The following CTNND2 variants were observed in gnomAD, a reference collection of about 807,000 sequenced individuals.
The protein encoded by CTNND2 is catenin delta-2.
CTNND2 carries 22 observed loss-of-function variants against 144.4 expected under a neutral mutation model. That is an observed-to-expected ratio of 0.15 (90% CI 0.11 to 0.22). CTNND2 has a LOEUF of 0.22. Among genes scored for constraint, CTNND2 ranks in the 10% least tolerant of loss-of-function variants. CTNND2 has a pLI of 1.00. For synonymous variants in CTNND2, 751 were observed against 695.6 expected, an observed-to-expected ratio of 1.08 and a Z score of -1.25; for missense variants, 1,353 against 1,618.8, an observed-to-expected ratio of 0.84 and a Z score of 2.82.
chr5:11,641,654 G>A (rs547098851), intron 2 of CTNND2, among the ~76,000 whole-genome samples: 2 of 142,490 alleles, frequency 1.4e-5, no homozygotes, highest in East Asian at 2.0e-4. Flanking sequence ...ACATATACGT[G>A]TGTATATACA....
chr5:11,279,864 C>T (rs1366949500), intron 9 of CTNND2, among the ~76,000 whole-genome samples: 1 of 152,056 alleles, frequency 6.6e-6, no homozygotes, highest in Non-Finnish European at 1.5e-5. Context: ...TTTAAATGTC[C>T]AGATCTTGCA....
At chr5:11,722,596 C>T (rs1258837309) in intron 2 of CTNND2, among the ~76,000 whole-genome samples, 2 of 152,184 alleles carry the variant, frequency 1.3e-5, no homozygotes, top group East Asian at 1.9e-4. Flanking sequence ...AGAAAACTTA[C>T]AATCATGGTA....
At chr5:11,583,362 G>C (rs554744013) in intron 2 of CTNND2, among the ~76,000 whole-genome samples, 12 of 152,310 alleles carry the variant, frequency 7.9e-5, no homozygotes, top group African/African-American at 2.6e-4. Flanking sequence ...AGTGGTCTAA[G>C]AACAGGCAGA....
At chr5:11,835,702 CTT>C (rs1378410417) in intron 1 of CTNND2, among the ~76,000 whole-genome samples, 4 of 152,198 alleles carry the variant, frequency 2.6e-5, no homozygotes, top group Non-Finnish European at 5.9e-5. Flanking sequence ...TCTCTCTCTT[CTT>C]TGTCAGTCTT....
chr5:10,998,951 A>G (rs890346452), intron 18 of CTNND2, among the ~76,000 whole-genome samples: 1 of 152,216 alleles, frequency 6.6e-6, no homozygotes, highest in African/African-American at 2.4e-5. Flanking sequence ...TCCCACAGAT[A>G]TAGAGGAGCA....
chr5:11,299,718 T>C (rs1449530771), intron 9 of CTNND2, among the ~76,000 whole-genome samples: 2 of 152,168 alleles, frequency 1.3e-5, no homozygotes, highest in Admixed American at 6.5e-5. Flanking sequence ...GCTGAGTGTG[T>C]TCCCAGGCTA....
intron 12 of CTNND2, among the ~76,000 whole-genome samples, chr5:11,143,953 G>A (rs56187724): frequency 3.4e-5 from 5 of 146,354 alleles, no homozygotes; most frequent in African/African-American, 2.5e-5. Context: ...CCCCAGGTCT[G>A]CACCAGCTAG....
intron 9 of CTNND2, among the ~76,000 whole-genome samples, chr5:11,311,896 C>T (rs1445639801): frequency 5.4e-5 from 8 of 148,272 alleles, no homozygotes; most frequent in Non-Finnish European, 1.0e-4. Flanking sequence ...CCCATACACA[C>T]GCCCACACAC....
At chr5:11,724,366 C>T (rs929183054) in intron 2 of CTNND2, among the ~76,000 whole-genome samples, 1 of 152,138 alleles carries the variant, frequency 6.6e-6, no homozygotes, top group African/African-American at 2.4e-5. Context: ...AGGATTTACA[C>T]TCTAGATGAT....
intron 16 of CTNND2, among the ~76,000 whole-genome samples, chr5:11,038,474 G>A (rs1024916456): frequency 1.3e-5 from 2 of 152,170 alleles, no homozygotes; most frequent in African/African-American, 4.8e-5. Context: ...ACCGACCTCA[G>A]TCCATGGAAA....
chr5:11,651,650 A>G (rs1287161180), intron 2 of CTNND2, among the ~76,000 whole-genome samples: 1 of 152,236 alleles, frequency 6.6e-6, no homozygotes, highest in Non-Finnish European at 1.5e-5. Context: ...GAGATGCCCA[A>G]GGCATTAGGA....
chr5:11,382,595 CTGTGTGTGT>C (rs1758610870), intron 7 of CTNND2, among the ~76,000 whole-genome samples: 1 of 130,148 alleles, frequency 7.7e-6, no homozygotes, highest in African/African-American at 3.0e-5. Flanking sequence ...GAGTGAGACT[CTGTGTGTGT>C]GTGTGTGTGT....
chr5:11,656,318 A>G (rs976808547), intron 2 of CTNND2, among the ~76,000 whole-genome samples: 1 of 151,998 alleles, frequency 6.6e-6, no homozygotes, highest in Admixed American at 6.6e-5. Context: ...TAAACACTCT[A>G]GAAAAAAAGA....
chr5:11,191,851 C>T (rs563785601), intron 11 of CTNND2, among the ~76,000 whole-genome samples: 1 of 152,304 alleles, frequency 6.6e-6, no homozygotes, highest in East Asian at 1.9e-4. Context: ...TGCCATTTGT[C>T]CCCATGAGTG....
intron 9 of CTNND2, among the ~76,000 whole-genome samples, chr5:11,263,505 G>A (rs756777735): frequency 6.6e-6 from 1 of 152,072 alleles, no homozygotes; most frequent in Non-Finnish European, 1.5e-5. Flanking sequence ...GTGTGTGCAT[G>A]TATGTGTGTG....
intron 12 of CTNND2, among the ~76,000 whole-genome samples, chr5:11,146,076 T>C (rs928460109): frequency 1.3e-5 from 2 of 152,218 alleles, no homozygotes; most frequent in African/African-American, 4.8e-5. Context: ...TGCCATGGAC[T>C]GTTTTAATGA....
intron 3 of CTNND2, among the ~76,000 whole-genome samples, chr5:11,450,261 G>C (rs1456070841): frequency 6.6e-6 from 1 of 152,174 alleles, no homozygotes; most frequent in African/African-American, 2.4e-5. Context: ...GCTATTGGTA[G>C]GTTCTATCAT....
intron 9 of CTNND2, among the ~76,000 whole-genome samples, chr5:11,278,121 TCTC>T (rs1259106307): frequency 6.6e-6 from 1 of 152,040 alleles, no homozygotes; most frequent in Non-Finnish European, 1.5e-5. Context: ...TAAACTCTGT[TCTC>T]CTCGTCCCTC....
At chr5:11,282,573 T>C (rs1269902138) in intron 9 of CTNND2, among the ~76,000 whole-genome samples, 1 of 152,222 alleles carries the variant, frequency 6.6e-6, no homozygotes, top group East Asian at 1.9e-4. Flanking sequence ...CCTCCTCTGA[T>C]GCATACACTG....
Sources: allele counts gnomAD v4.1 joint callset (sites outside exome capture counted in the v4.1 genomes callset), GRCh38; gene constraint gnomAD v4.1.1; transcripts MANE v1.5; gene names NCBI Gene and HGNC (gene_info 2026-07-23, HGNC 2026-07-21).